FAM135B: variants seen among roughly 807,000 people sequenced by gnomAD.
FAM135B encodes the protein protein FAM135B.
A neutral mutation model predicts 127.7 loss-of-function variants in FAM135B; 43 were observed. The ratio of observed to expected loss-of-function variants is 0.34; its 90% CI spans 0.26 to 0.43. The LOEUF (loss-of-function observed/expected upper bound fraction) is 0.43. Ranked by LOEUF, FAM135B falls within the 20% of genes least tolerant of loss-of-function variation. FAM135B has a pLI of 1.00. For missense variants in FAM135B, 1,558 were observed against 1,725.6 expected, an observed-to-expected ratio of 0.90 and a Z score of 1.72; for synonymous variants, 670 against 665.1, an observed-to-expected ratio of 1.01 and a Z score of -0.11.
intron 8 of FAM135B, among the ~76,000 whole-genome samples, chr8:138,196,452 C>T (rs1816635899): frequency 6.6e-6 from 1 of 152,208 alleles, no homozygotes; most frequent in African/African-American, 2.4e-5. Flanking sequence ...CTCCTTTACT[C>T]TACATACCGG....
rs1329146606 is a variant in FAM135B at position 138,130,670 on chromosome 8, CT to C, written c.*1922del. ...GCCAGAAAGGAGAAGCTGCTACCAACTTATGGTTCTGTACTGAGCATGGGCA... is the reference window on the plus strand; with the variant it reads ...GCCAGAAAGGAGAAGCTGCTACCAACTATGGTTCTGTACTGAGCATGGGCA... On this transcript the variant is annotated 3_prime_UTR_variant, in exon 20 of 20. Coordinates refer to ENST00000395297, the MANE Select transcript of FAM135B (RefSeq NM_015912.4). 2 of 152,258 alleles carry C rather than the reference CT, an allele frequency of 1.3e-5. No homozygotes were observed. Among genetic ancestry groups the C allele is most frequent in the Non-Finnish European group, 2.9e-5 (2 of 68,076 alleles). The allele number at this position is 152,258 out of a possible 1,614,324, so 9.4% of individuals were successfully genotyped here.
At chr8:138,205,331 A>C (rs1817472606) in intron 7 of FAM135B, among the ~76,000 whole-genome samples, 1 of 152,216 alleles carries the variant, frequency 6.6e-6, no homozygotes, top group Admixed American at 6.5e-5. Flanking sequence ...TGGTGCTGGA[A>C]GCCCCCAGAC....
At chr8:138,231,622 G>A (rs919889957) in intron 7 of FAM135B, among the ~76,000 whole-genome samples, 2 of 152,190 alleles carry the variant, frequency 1.3e-5, no homozygotes, top group African/African-American at 2.4e-5. Context: ...CAGGTGAAAA[G>A]TGACTCAAAG....
intron 13 of FAM135B, among the ~76,000 whole-genome samples, chr8:138,150,028 G>A (rs562883318): frequency 6.6e-6 from 1 of 152,316 alleles, no homozygotes; most frequent in East Asian, 1.9e-4. Flanking sequence ...TTACCTGCCT[G>A]TGGCAATTTC....
At position 138,147,064 on chromosome 8, in the gene FAM135B, C is replaced by T. The variant is rs370743200; in HGVS notation, c.3449-1014G>A. Among the ~76,000 whole-genome samples, 140 of 152,262 alleles carry T rather than the reference C, an allele frequency of 9.2e-4. No homozygotes were observed. The South Asian group carries it at 0.016, about 17-fold the overall frequency. On this transcript the variant is annotated intron_variant, in intron 14 of 19. Coordinates refer to ENST00000395297, the MANE Select transcript of FAM135B (RefSeq NM_015912.4). ...TAAGGATGACTCAGATATGCCCATA[C>T]GCCCCCTATGTTGGTGGCCTGTCAG... is the stretch of plus-strand genomic sequence containing the variant.
chr8:138,160,377 T>C (rs1819245583), intron 12 of FAM135B, among the ~76,000 whole-genome samples: 1 of 151,024 alleles, frequency 6.6e-6, no homozygotes, highest in African/African-American at 2.5e-5. Context: ...CTGGTTTTAT[T>C]TATTTATTTA....
chr8:138,424,348 C>G (rs985415531), intron 1 of FAM135B, among the ~76,000 whole-genome samples: 1 of 152,198 alleles, frequency 6.6e-6, no homozygotes, highest in East Asian at 1.9e-4. Context: ...GACATCTTCA[C>G]AATTTATGTT....
chr8:138,262,903 G>GAAAAAAAAAAAAA (rs71316332), intron 4 of FAM135B, among the ~76,000 whole-genome samples: 1 of 95,366 alleles, frequency 1.0e-5, no homozygotes, highest in Non-Finnish European at 1.9e-5. Context: ...CTCTGTCTCA[G>GAAAAAAAAAAAAA]AAAAAAAAAA....
intron 1 of FAM135B, among the ~76,000 whole-genome samples, chr8:138,383,360 C>G (rs1041220262): frequency 6.6e-6 from 1 of 152,204 alleles, no homozygotes; most frequent in Non-Finnish European, 1.5e-5. Flanking sequence ...TGTAAAAACA[C>G]ACATATCTAG....
chr8:138,303,775 A>G (rs1228653217), intron 3 of FAM135B, among the ~76,000 whole-genome samples: 1 of 152,150 alleles, frequency 6.6e-6, no homozygotes, highest in Non-Finnish European at 1.5e-5. Flanking sequence ...TGGGCTCCCA[A>G]CAGGACAGGA....
chr8:138,421,342 G>T (rs1349494204), intron 1 of FAM135B, among the ~76,000 whole-genome samples: 3 of 152,048 alleles, frequency 2.0e-5, no homozygotes, highest in Admixed American at 1.3e-4. Context: ...TAGGGAAAAG[G>T]TAAGACAAAC....
At position 138,153,068 on chromosome 8, in the gene FAM135B, T is replaced by C. The variant is rs1249578079; in HGVS notation, c.1407A>G (p.Gln469=). The change falls in exon 13 of 20, where the codon CAA becomes CAG. Residue 469 remains glutamine, a synonymous_variant. Coordinates refer to ENST00000395297, the MANE Select transcript of FAM135B (RefSeq NM_015912.4). The part of the protein sequence containing the change: ...DLVLSTIKPS[Q]MDSDEEVIRC... ...TTATAACTTCTTCATCAGAATCCATTTGGGATGGTTTTATGGTAGACAAGA... is the reference window on the plus strand; with the variant it reads ...TTATAACTTCTTCATCAGAATCCATCTGGGATGGTTTTATGGTAGACAAGA... 5 of 1,614,050 alleles carry C rather than the reference T, an allele frequency of 3.1e-6. 1 individual carries two copies. The highest frequency in any genetic ancestry group is 2.2e-5 in the South Asian group (2 of 91,076).
At chr8:138,448,543 C>G (rs1476089897) in intron 1 of FAM135B, among the ~76,000 whole-genome samples, 1 of 152,014 alleles carries the variant, frequency 6.6e-6, no homozygotes, top group African/African-American at 2.4e-5. Context: ...TAGACTCAAA[C>G]TGAAATATCG....
chr8:138,319,574 C>A (rs1381818273), intron 2 of FAM135B, among the ~76,000 whole-genome samples: 4 of 152,196 alleles, frequency 2.6e-5, no homozygotes, highest in Non-Finnish European at 5.9e-5. Context: ...ATGTGGAAAA[C>A]TTCAGGCAGT....
At chr8:138,255,808 A>T (rs1019475579) in intron 5 of FAM135B, among the ~76,000 whole-genome samples, 8 of 152,172 alleles carry the variant, frequency 5.3e-5, no homozygotes, top group Non-Finnish European at 8.8e-5. Context: ...AGGGCAGTTC[A>T]GGGTTTACCA....
At chr8:138,371,949 C>T (rs767095278) in intron 1 of FAM135B, among the ~76,000 whole-genome samples, 21 of 152,290 alleles carry the variant, frequency 1.4e-4, no homozygotes, top group South Asian at 2.1e-4. Context: ...ATGATGCTTA[C>T]GAGCAGACCT....
At chr8:138,352,385 T>G (rs1217085973) in intron 2 of FAM135B, among the ~76,000 whole-genome samples, 2 of 152,236 alleles carry the variant, frequency 1.3e-5, no homozygotes, top group East Asian at 1.9e-4. Context: ...TGTGTACAAC[T>G]GTCTAAAATA....
At chr8:138,258,897 C>G (rs968800291) in intron 4 of FAM135B, among the ~76,000 whole-genome samples, 38 of 151,938 alleles carry the variant, frequency 2.5e-4, no homozygotes, top group African/African-American at 9.2e-4. Context: ...CATCTCCTTT[C>G]AAGGGTCATT....
At chr8:138,283,063 G>A (rs1264076158) in intron 3 of FAM135B, among the ~76,000 whole-genome samples, 2 of 152,002 alleles carry the variant, frequency 1.3e-5, no homozygotes, top group Admixed American at 1.3e-4. Flanking sequence ...ACCATGCCCA[G>A]CTAATTTTTG....
Sources: gnomAD v4.1 joint callset for allele counts (sites outside exome capture counted in the v4.1 genomes callset) on GRCh38, gnomAD v4.1.1 for gene constraint, MANE v1.5 for transcripts, NCBI Gene and HGNC (gene_info 2026-07-23, HGNC 2026-07-21) for gene names.